The following MAPKAPK3 variants were observed in gnomAD, a reference collection of about 807,000 sequenced individuals.
MAPKAPK3 encodes the protein MAP kinase-activated protein kinase 3.
Under a neutral mutation model 49.2 loss-of-function variants are expected in MAPKAPK3, and 35 were observed. That is an observed-to-expected ratio of 0.71 (90% CI 0.54 to 0.94). The LOEUF is 0.94. MAPKAPK3 is among the 40% of genes least tolerant of loss of function. The pLI is 0.00. For missense variants in MAPKAPK3, 398 were observed against 493.1 expected, an observed-to-expected ratio of 0.81 and a Z score of 1.83; for synonymous variants, 178 against 188.7, an observed-to-expected ratio of 0.94 and a Z score of 0.46.
Position 50,648,366 on chromosome 3 carries a change from G to A in MAPKAPK3, c.*320G>A, listed in dbSNP as rs769625458. 7.1e-5 allele frequency: 15 copies of A among 210,642 alleles called. No individual in the cohort carries two copies. Among genetic ancestry groups the A allele is most frequent in the Non-Finnish European group, 1.1e-4 (12 of 105,544 alleles). 13.0% of individuals were successfully genotyped at this position (210,642 alleles called of 1,614,324 possible). A position where few individuals can be genotyped will look rare whatever the true frequency, so the allele number is the denominator to read the frequency against. The stretch of plus-strand genomic sequence containing the variant: ...CTGGTGCATGGCCTTAGCTTTCTAG[G>A]CCACTGGGAGTTGTGGCTGGGCTTC... On this transcript the variant is annotated 3_prime_UTR_variant, in exon 11 of 11. Transcript: ENST00000621469.
chr3:50,646,731 C>T lies in MAPKAPK3; in HGVS notation c.830-9C>T, dbSNP rs1407353794. On this transcript the variant is annotated splice_polypyrimidine_tract_variant and intron_variant, in intron 8 of 10. Transcript: ENST00000621469. The stretch of plus-strand genomic sequence containing the variant: ...CTCATCTCTCCCCTCTCTTCCCTGG[C>T]CCCCCTAGCCAAGCAGCTGATCCGC... 1.2e-6 allele frequency: 2 copies of T among 1,612,470 alleles called. No individual in the cohort carries two copies. The highest frequency in any genetic ancestry group is 1.7e-6 in the Non-Finnish European group (2 of 1,178,730).
intron 5 of MAPKAPK3, among the ~76,000 whole-genome samples, chr3:50,644,149 C>T (rs900451521): frequency 2.0e-5 from 3 of 152,242 alleles, no homozygotes; most frequent in Admixed American, 6.5e-5. Context: ...GAAGTTCCTG[C>T]TCCGAGGCTT....
intron 2 of MAPKAPK3, among the ~76,000 whole-genome samples, chr3:50,631,847 G>T (rs1321834681): frequency 1.3e-5 from 2 of 152,228 alleles, no homozygotes; most frequent in Admixed American, 6.5e-5. Flanking sequence ...TGCTGCCTGA[G>T]ATTTCGTGTT....
intron 2 of MAPKAPK3, among the ~76,000 whole-genome samples, chr3:50,635,934 A>AC (rs1278466794): frequency 4.7e-5 from 6 of 128,968 alleles, no homozygotes; most frequent in African/African-American, 7.7e-5. Context: ...AAAAAAAAAA[A>AC]AAAAAAAAAA....
chr3:50,643,088 G>A (rs142350150), intron 5 of MAPKAPK3, among the ~76,000 whole-genome samples: 35 of 152,286 alleles, frequency 2.3e-4, no homozygotes, highest in Admixed American at 2.0e-3. Flanking sequence ...CTGACCTTAG[G>A]TAATCCGCCC....
chr3:50,616,815 G>A (rs1446220108), upstream of MAPKAPK3, among the ~76,000 whole-genome samples: 2 of 152,054 alleles, frequency 1.3e-5, no homozygotes, highest in East Asian at 3.9e-4. Flanking sequence ...GCAAACACCC[G>A]ACTCAAGGAG....
chr3:50,642,789 A>G (rs151201401), intron 5 of MAPKAPK3, among the ~76,000 whole-genome samples: 11 of 152,278 alleles, frequency 7.2e-5, no homozygotes, highest in African/African-American at 2.6e-4. Context: ...TTTTGTGTGG[A>G]TGCAATGTGC....
chr3:50,647,528 G>C (rs1477547314), intron 10 of MAPKAPK3, among the ~76,000 whole-genome samples: 1 of 152,264 alleles, frequency 6.6e-6, no homozygotes, highest in Non-Finnish European at 1.5e-5. Flanking sequence ...TGAACATATG[G>C]AGTAGCAGCT....
Position 50,617,743 on chromosome 3 carries a change from G to C in MAPKAPK3, c.178G>C (p.Glu60Gln), listed in dbSNP as rs764298483. The change falls in exon 2 of 11, where the codon GAG becomes CAG. Residue 60 changes from glutamate (E) to glutamine (Q), a missense_variant. Physicochemically the swap from Glu to Gln is conservative, Grantham distance 29. Coordinates refer to ENST00000621469, the MANE Select transcript of MAPKAPK3 (RefSeq NM_001243925.2). ...CCTGGGTGTGAACGGCAAAGTGCTG[G>C]AGTGCTTCCATCGGCGCACTGGACA... ...LGLGVNGKVL[E>Q]CFHRRTGQKC... 4 of 1,613,690 alleles carry C rather than the reference G, an allele frequency of 2.5e-6. No homozygotes were observed. The highest frequency in any genetic ancestry group is 2.5e-6 in the Non-Finnish European group (3 of 1,180,020).
chr3:50,646,050 C>T, intron 7 of MAPKAPK3, 90 bp from the exon 8 acceptor site: 1 of 1,496,206 alleles, frequency 6.7e-7, no homozygotes, highest in Non-Finnish European at 9.1e-7. Context: ...GTCTGGTTGT[C>T]TGTCTCCCCA....
chr3:50,644,301 C>A (rs1323382055), intron 5 of MAPKAPK3, 108 bp from the exon 6 acceptor site: 4 of 1,317,042 alleles, frequency 3.0e-6, no homozygotes, highest in Middle Eastern at 2.5e-4. Flanking sequence ...ATGGACCTGG[C>A]TCCTTCTGCA....
intron 2 of MAPKAPK3, 99 bp downstream of exon 2, chr3:50,617,883 C>T: frequency 1.1e-6 from 1 of 894,234 alleles, no homozygotes; most frequent in Non-Finnish European, 1.8e-6. Flanking sequence ...GCTTCCTATG[C>T]TCAGCAACAT....
intron 2 of MAPKAPK3, among the ~76,000 whole-genome samples, chr3:50,639,136 C>T (rs1180512085): frequency 1.3e-5 from 2 of 152,200 alleles, no homozygotes; most frequent in Non-Finnish European, 2.9e-5. Flanking sequence ...TCCTGATGCC[C>T]GCCCACTGGA....
chr3:50,614,497 C>CAG (rs1410272666), upstream of MAPKAPK3, among the ~76,000 whole-genome samples: 5 of 113,044 alleles, frequency 4.4e-5, no homozygotes, highest in Admixed American at 1.0e-4. Context: ...CCAGTAAGGA[C>CAG]AGAGTGTGTG....
upstream of MAPKAPK3, among the ~76,000 whole-genome samples, chr3:50,614,865 G>T (rs973894548): frequency 6.6e-6 from 1 of 152,180 alleles, no homozygotes; most frequent in Non-Finnish European, 1.5e-5. Flanking sequence ...GAGGGGAGAA[G>T]CAGCACCTTT....
At chr3:50,629,324 A>G (rs1444068110) in intron 2 of MAPKAPK3, among the ~76,000 whole-genome samples, 1 of 152,102 alleles carries the variant, frequency 6.6e-6, no homozygotes, top group East Asian at 1.9e-4. Context: ...TCTGGGAAAC[A>G]AGGAGGGGAG....
At chr3:50,624,794 C>T (rs2032699679) in intron 2 of MAPKAPK3, among the ~76,000 whole-genome samples, 1 of 152,178 alleles carries the variant, frequency 6.6e-6, no homozygotes, top group Admixed American at 6.5e-5. Context: ...GGCCCATGGG[C>T]AAGAGCTGAG....
intron 2 of MAPKAPK3, among the ~76,000 whole-genome samples, chr3:50,624,140 CTG>C (rs1442125646): frequency 2.0e-5 from 3 of 152,242 alleles, no homozygotes; most frequent in Non-Finnish European, 2.9e-5. Context: ...CGAGTGGAAA[CTG>C]TATCTGGGCT....
At chr3:50,644,379 C>G in intron 5 of MAPKAPK3, 30 bp from the exon 6 acceptor site, 1 of 1,613,334 alleles carries the variant, frequency 6.2e-7, no homozygotes, top group Non-Finnish European at 8.5e-7. Context: ...GTTCCTAACT[C>G]CAAACCAATG....
Sources: gnomAD v4.1 joint callset for allele counts (sites outside exome capture counted in the v4.1 genomes callset) on GRCh38, gnomAD v4.1.1 for gene constraint, MANE v1.5 for transcripts, NCBI Gene and HGNC (gene_info 2026-07-23, HGNC 2026-07-21) for gene names.